Variants in CAPZB observed in about 807,000 individuals in gnomAD.
CAPZB encodes capping actin protein of muscle Z-line subunit beta.
CAPZB carries 2 observed loss-of-function variants against 38.1 expected under a neutral mutation model. That is an observed-to-expected ratio of 0.05 (90% confidence interval 0.02 to 0.17). CAPZB has a LOEUF of 0.17. CAPZB is among the 10% of genes least tolerant of loss of function. The pLI is 1.00. For missense variants in CAPZB, 161 were observed against 334.2 expected (o/e 0.48, Z 4.04); for synonymous variants, 107 against 127.4 (o/e 0.84, Z 1.08).
intron 1 of CAPZB, chr1:19,484,132 C>T: frequency 6.4e-7 from 1 of 1,564,352 alleles, no homozygotes; most frequent in Non-Finnish European, 8.7e-7. Context: ...CATCTGCCTT[C>T]TTTACCAAAA....
intron 6 of CAPZB, among the ~76,000 whole-genome samples, chr1:19,352,905 G>A (rs548333228): frequency 2.2e-4 from 34 of 152,330 alleles, no homozygotes; most frequent in African/African-American, 6.7e-4. Flanking sequence ...GGAGAGTGGC[G>A]CTCTGCCCCG....
chr1:19,447,828 T>C (rs1372115065), intron 1 of CAPZB, among the ~76,000 whole-genome samples: 1 of 152,220 alleles, frequency 6.6e-6, no homozygotes, highest in Admixed American at 6.5e-5. Flanking sequence ...GCTGGGCCTC[T>C]CTGATGCACT....
At chr1:19,451,896 T>A (rs576488308) in intron 1 of CAPZB, among the ~76,000 whole-genome samples, 28 of 152,280 alleles carry the variant, frequency 1.8e-4, no homozygotes, top group African/African-American at 6.5e-4. Flanking sequence ...TATGTGCCAA[T>A]AATAATGCTA....
rs909971842 is a variant in CAPZB, at chr1:19,339,370, G to A, written c.*160C>T. On this transcript the variant is annotated 3_prime_UTR_variant, in exon 9 of 9. Transcript: ENST00000264202. Reference sequence around the variant, plus strand: ...TCGGAGCCGGAGGAGGGTGGCTATCGGCTTTATTCTCAGGGAGAGATGGCG... The same window carrying A: ...TCGGAGCCGGAGGAGGGTGGCTATCAGCTTTATTCTCAGGGAGAGATGGCG... 5 of 681,868 alleles carry A rather than the reference G, an allele frequency of 7.3e-6. No homozygotes were observed. Among genetic ancestry groups the A allele is most frequent in the African/African-American group, 3.6e-5 (2 of 56,324 alleles). 42.2% of individuals were successfully genotyped at this position (681,868 alleles called of 1,614,324 possible).
chr1:19,408,361 GAATT>G (rs1558235473), intron 2 of CAPZB, among the ~76,000 whole-genome samples: 1 of 152,256 alleles, frequency 6.6e-6, no homozygotes, highest in Non-Finnish European at 1.5e-5. Flanking sequence ...ACCGTCTCAT[GAATT>G]CGGCTTTCGG....
chr1:19,471,921 C>A (rs2094589906), intron 1 of CAPZB, among the ~76,000 whole-genome samples: 1 of 149,096 alleles, frequency 6.7e-6, no homozygotes, highest in Non-Finnish European at 1.5e-5. Context: ...AATGCTTCCT[C>A]AACAACCAAT....
At chr1:19,360,132 G>A (rs1228401374) in intron 4 of CAPZB, among the ~76,000 whole-genome samples, 3 of 152,190 alleles carry the variant, frequency 2.0e-5, no homozygotes, top group Non-Finnish European at 2.9e-5. Flanking sequence ...CATGGGCTCC[G>A]TGAGCCTTTC....
chr1:19,408,273 T>A (rs1200349876), intron 2 of CAPZB, among the ~76,000 whole-genome samples: 1 of 152,214 alleles, frequency 6.6e-6, no homozygotes, highest in Non-Finnish European at 1.5e-5. Context: ...ACAAAGGCAG[T>A]AAAGGCAACA....
At chr1:19,437,653 C>G (rs1199146315) in intron 1 of CAPZB, among the ~76,000 whole-genome samples, 1 of 152,140 alleles carries the variant, frequency 6.6e-6, no homozygotes, top group Non-Finnish European at 1.5e-5. Flanking sequence ...ACTGTCACAG[C>G]AAGATACCCT....
At chr1:19,432,529 T>C (rs764843853) in intron 1 of CAPZB, among the ~76,000 whole-genome samples, 9 of 152,264 alleles carry the variant, frequency 5.9e-5, no homozygotes, top group Admixed American at 2.0e-4. Context: ...TTAAGAATAC[T>C]AGGTATCCAA....
At chr1:19,426,688 C>T (rs1385235199) in intron 1 of CAPZB, among the ~76,000 whole-genome samples, 1 of 152,186 alleles carries the variant, frequency 6.6e-6, no homozygotes, top group South Asian at 2.1e-4. Context: ...GCTCCAGGCT[C>T]CCACTGTTCC....
At chr1:19,379,086 AT>A (rs1383661915) in intron 3 of CAPZB, among the ~76,000 whole-genome samples, 4 of 127,506 alleles carry the variant, frequency 3.1e-5, no homozygotes, top group African/African-American at 6.4e-5. Context: ...TTCACCACCT[AT>A]TTTTTTTTCT....
intron 1 of CAPZB, among the ~76,000 whole-genome samples, chr1:19,458,112 A>C (rs954537182): frequency 4.7e-4 from 72 of 152,080 alleles, no homozygotes; most frequent in African/African-American, 1.6e-3. Flanking sequence ...AAAAAAAAAA[A>C]AAAACACTAA....
intron 2 of CAPZB, among the ~76,000 whole-genome samples, chr1:19,391,673 C>T (rs1350275893): frequency 2.0e-5 from 3 of 152,236 alleles, no homozygotes; most frequent in Non-Finnish European, 2.9e-5. Flanking sequence ...CGAACAGGTT[C>T]AAATCCTCGG....
chr1:19,427,288 T>TA (rs2094426387), intron 1 of CAPZB, among the ~76,000 whole-genome samples: 1 of 152,200 alleles, frequency 6.6e-6, no homozygotes, highest in Non-Finnish European at 1.5e-5. Context: ...TGTCTGTACA[T>TA]AAACAACCAA....
At chr1:19,460,405 T>C (rs943686571) in intron 1 of CAPZB, among the ~76,000 whole-genome samples, 4 of 152,082 alleles carry the variant, frequency 2.6e-5, no homozygotes, top group Non-Finnish European at 5.9e-5. Context: ...GCCTCCCGAG[T>C]AGCTGGGACT....
intron 1 of CAPZB, among the ~76,000 whole-genome samples, chr1:19,442,788 C>T (rs903552654): frequency 1.3e-5 from 2 of 152,144 alleles, no homozygotes; most frequent in African/African-American, 4.8e-5. Context: ...TGTAAAGATG[C>T]CGCAGGCTCC....
intron 1 of CAPZB, among the ~76,000 whole-genome samples, chr1:19,472,142 G>A (rs896637534): frequency 3.3e-5 from 5 of 152,206 alleles, no homozygotes; most frequent in Non-Finnish European, 7.3e-5. Context: ...GTTATTAGAG[G>A]AAGGACAGAT....
intron 2 of CAPZB, among the ~76,000 whole-genome samples, chr1:19,413,032 T>TG (rs2094363926): frequency 6.6e-6 from 1 of 152,192 alleles, no homozygotes; most frequent in East Asian, 1.9e-4. Context: ...GTCTGGTGCA[T>TG]GGATGGTGCA....
Sources: allele counts gnomAD v4.1 joint callset (sites outside exome capture counted in the v4.1 genomes callset), GRCh38; gene constraint gnomAD v4.1.1; transcripts MANE v1.5; gene names NCBI Gene and HGNC (gene_info 2026-07-23, HGNC 2026-07-21).